Variants in CDKAL1 observed in about 807,000 individuals in gnomAD.
CDKAL1 encodes threonylcarbamoyladenosine tRNA methylthiotransferase.
Under a neutral mutation model 68.2 loss-of-function variants are expected in CDKAL1, and 32 were observed. That is an observed-to-expected ratio of 0.47 (90% CI 0.35 to 0.63). CDKAL1 has a LOEUF of 0.63. Ranked by LOEUF, CDKAL1 falls within the 30% of genes least tolerant of loss-of-function variation. The pLI is 0.00. For synonymous variants in CDKAL1, 234 were observed against 244.3 expected (o/e 0.96, Z 0.39); for missense variants, 606 against 696.7 (o/e 0.87, Z 1.47).
chr6:20,924,690 C>G (rs1315569767), intron 9 of CDKAL1, among the ~76,000 whole-genome samples: 1 of 152,148 alleles, frequency 6.6e-6, no homozygotes, highest in Non-Finnish European at 1.5e-5. Context: ...AAGTTTGAAG[C>G]TAGCAGAGGT....
At chr6:20,685,970 A>G (rs1435498119) in intron 5 of CDKAL1, among the ~76,000 whole-genome samples, 1 of 152,028 alleles carries the variant, frequency 6.6e-6, no homozygotes, top group Non-Finnish European at 1.5e-5. Context: ...TGTAAATGGT[A>G]TTGTTGTAAA....
intron 11 of CDKAL1, among the ~76,000 whole-genome samples, chr6:21,039,212 T>G (rs1272348008): frequency 6.6e-6 from 1 of 152,144 alleles, no homozygotes; most frequent in Non-Finnish European, 1.5e-5. Flanking sequence ...ACTGCGCATG[T>G]GAGGGATCTA....
chr6:21,224,388 G>A (rs1026414373), intron 15 of CDKAL1, among the ~76,000 whole-genome samples: 4 of 152,164 alleles, frequency 2.6e-5, no homozygotes, highest in Admixed American at 1.3e-4. Flanking sequence ...TTAGCCAGGC[G>A]TGGTGACACG....
chr6:21,098,600 G>A (rs1773433193), intron 12 of CDKAL1, among the ~76,000 whole-genome samples: 1 of 135,724 alleles, frequency 7.4e-6, no homozygotes, highest in East Asian at 2.2e-4. Context: ...AAGTGTTACT[G>A]AAGGAAGGGA....
rs1554189725 is a variant in CDKAL1 at position 21,160,656 on chromosome 6, CGT to C, written c.1300-37344_1300-37343del. Among the ~76,000 whole-genome samples, 419 of 127,992 alleles carry C rather than the reference CGT, an allele frequency of 3.3e-3. 3 individuals are homozygous for C. Among genetic ancestry groups the C allele is most frequent in the Middle Eastern group, 8.5e-3 (2 of 236 alleles). 84.0% of individuals were successfully genotyped at this position (127,992 alleles called of 152,430 possible). ...ACACAGACACACACACACACACACA[CGT>C]GTGTGTGTGTGTGTGTGTGTCTGTG... is the stretch of plus-strand genomic sequence containing the variant. On this transcript the variant is annotated intron_variant, in intron 13 of 15. Transcript: ENST00000274695.
intron 5 of CDKAL1, among the ~76,000 whole-genome samples, chr6:20,705,843 T>C (rs900419326): frequency 6.6e-6 from 1 of 152,284 alleles, no homozygotes. Context: ...CATTCTCGAA[T>C]CTGTTTAGGA....
At chr6:21,052,743 G>A (rs1770613433) in intron 11 of CDKAL1, among the ~76,000 whole-genome samples, 1 of 151,866 alleles carries the variant, frequency 6.6e-6, no homozygotes, top group Non-Finnish European at 1.5e-5. Flanking sequence ...GCCGGGTGCA[G>A]TTGGCTCACA....
intron 8 of CDKAL1, among the ~76,000 whole-genome samples, chr6:20,800,146 A>G (rs1038393562): frequency 6.4e-5 from 5 of 77,684 alleles, no homozygotes; most frequent in Non-Finnish European, 1.2e-4. Context: ...CATGCTCAGC[A>G]GCCTTTTTCT....
intron 11 of CDKAL1, among the ~76,000 whole-genome samples, chr6:21,014,996 T>TCA (rs1768245862): frequency 6.6e-6 from 1 of 152,204 alleles, no homozygotes; most frequent in East Asian, 1.9e-4. Context: ...GTAGTATGTA[T>TCA]GCAGCAATTG....
chr6:20,787,585 G>C (rs904929988), intron 8 of CDKAL1, among the ~76,000 whole-genome samples: 3 of 152,138 alleles, frequency 2.0e-5, no homozygotes, highest in Non-Finnish European at 4.4e-5. Context: ...ATCAAACTTT[G>C]TATGAAAGGT....
At chr6:21,124,993 T>A (rs1317087051) in intron 13 of CDKAL1, among the ~76,000 whole-genome samples, 1 of 152,132 alleles carries the variant, frequency 6.6e-6, no homozygotes, top group Non-Finnish European at 1.5e-5. Context: ...CTCTGTGGTC[T>A]CAGTGTCTAC....
intron 13 of CDKAL1, among the ~76,000 whole-genome samples, chr6:21,122,803 GTTT>G (rs66935416): frequency 5.7e-5 from 6 of 105,798 alleles, no homozygotes; most frequent in East Asian, 2.9e-4. Context: ...CCCCAGTTAG[GTTT>G]TTTTTTTTTT....
At chr6:20,850,960 AT>A (rs1231518248) in intron 9 of CDKAL1, among the ~76,000 whole-genome samples, 1 of 152,160 alleles carries the variant, frequency 6.6e-6, no homozygotes, top group African/African-American at 2.4e-5. Context: ...AAATATTTCT[AT>A]GTTTAAATAG....
At chr6:21,145,810 G>T (rs987894150) in intron 13 of CDKAL1, among the ~76,000 whole-genome samples, 1 of 152,164 alleles carries the variant, frequency 6.6e-6, no homozygotes, top group Non-Finnish European at 1.5e-5. Context: ...AGACATGGCA[G>T]TATCACTTGA....
chr6:21,200,938 A>G (rs1350538684), intron 14 of CDKAL1, 172 bp from the exon 15 acceptor site: 7 of 497,668 alleles, frequency 1.4e-5, no homozygotes, highest in African/African-American at 9.6e-5. Flanking sequence ...TGGGTTCATT[A>G]ATTGTGGCAA....
At chr6:20,938,762 CA>C (rs1763840476) in intron 9 of CDKAL1, among the ~76,000 whole-genome samples, 1 of 152,034 alleles carries the variant, frequency 6.6e-6, no homozygotes, top group African/African-American at 2.4e-5. Context: ...ATTATTTTTA[CA>C]ACCTTTTTTT....
intron 4 of CDKAL1, among the ~76,000 whole-genome samples, chr6:20,590,289 A>T (rs1343445467): frequency 6.6e-6 from 1 of 152,190 alleles, no homozygotes; most frequent in Non-Finnish European, 1.5e-5. Context: ...ATTCTAGACT[A>T]GATATGCAAA....
At position 20,888,358 on chromosome 6, in the gene CDKAL1, C is replaced by CT. The variant is rs59055712; in HGVS notation, c.742+42192dup. Among the ~76,000 whole-genome samples, 862 of 144,138 alleles carry CT rather than the reference C, an allele frequency of 6.0e-3. 8 individuals carry two copies. Among genetic ancestry groups the CT allele is most frequent in the African/African-American group, 0.019 (762 of 39,120 alleles). The allele number at this position is 144,138 out of a possible 152,430, so 94.6% of individuals were successfully genotyped here. On this transcript the variant is annotated intron_variant, in intron 9 of 15. Coordinates refer to ENST00000274695, the MANE Select transcript of CDKAL1 (RefSeq NM_017774.3). ...CCATGGTGTATATGTGCCACATCTT[C>CT]TTTTTTTTTTTTAATTTTATTATTA...
chr6:20,903,298 A>C (rs1762092038), intron 9 of CDKAL1, among the ~76,000 whole-genome samples: 1 of 152,102 alleles, frequency 6.6e-6, no homozygotes. Context: ...TCTCTCCTTT[A>C]ATCTTCCCAA....
Sources: gnomAD v4.1 joint callset for allele counts (sites outside exome capture counted in the v4.1 genomes callset) on GRCh38, gnomAD v4.1.1 for gene constraint, MANE v1.5 for transcripts, NCBI Gene and HGNC (gene_info 2026-07-23, HGNC 2026-07-21) for gene names.